Variants in EHBP1 observed in about 807,000 individuals in gnomAD.
The protein encoded by EHBP1 is EH domain-binding protein 1.
Under a neutral mutation model 144.0 loss-of-function variants are expected in EHBP1, and 55 were observed. The observed-to-expected ratio is 0.38, with a 90% CI of 0.31 to 0.48. The LOEUF is 0.48. Ranked by LOEUF, EHBP1 falls within the 20% of genes least tolerant of loss-of-function variation. EHBP1 has a pLI of 0.98. For synonymous variants in EHBP1, 469 were observed against 472.7 expected (o/e 0.99, Z 0.10); for missense variants, 1,200 against 1,364.2 (o/e 0.88, Z 1.90).
At chr2:62,809,313 A>AC (rs1402745989) in intron 5 of EHBP1, among the ~76,000 whole-genome samples, 2 of 150,874 alleles carry the variant, frequency 1.3e-5, no homozygotes, top group African/African-American at 4.9e-5. Flanking sequence ...AAAAAAAAAA[A>AC]AACAAGAAGA....
At chr2:62,954,073 G>T (rs964136497) in intron 13 of EHBP1, among the ~76,000 whole-genome samples, 3 of 151,998 alleles carry the variant, frequency 2.0e-5, no homozygotes, top group African/African-American at 4.8e-5. Context: ...TCTGAGAGTT[G>T]GTCTATTTCT....
At chr2:62,795,141 T>C (rs1199521767) in intron 5 of EHBP1, among the ~76,000 whole-genome samples, 1 of 152,096 alleles carries the variant, frequency 6.6e-6, no homozygotes, top group Non-Finnish European at 1.5e-5. Context: ...CCTCTTTTAA[T>C]TTATGAGCAT....
At chr2:62,969,517 G>A (rs2058398401) in intron 14 of EHBP1, among the ~76,000 whole-genome samples, 1 of 152,054 alleles carries the variant, frequency 6.6e-6, no homozygotes, top group South Asian at 2.1e-4. Flanking sequence ...TTCTTAAAAT[G>A]TGTCTATTTT....
chr2:62,910,898 CTCT>C (rs1161413032), intron 10 of EHBP1, among the ~76,000 whole-genome samples: 1 of 152,152 alleles, frequency 6.6e-6, no homozygotes, highest in Non-Finnish European at 1.5e-5. Flanking sequence ...CTTAATCCAG[CTCT>C]TCTTTTGTTT....
chr2:62,711,823 A>C (rs1441076138), intron 2 of EHBP1, among the ~76,000 whole-genome samples: 2 of 152,184 alleles, frequency 1.3e-5, no homozygotes, highest in African/African-American at 4.8e-5. Flanking sequence ...GAGGTTGAGC[A>C]AGGTGACCGT....
intron 5 of EHBP1, among the ~76,000 whole-genome samples, chr2:62,773,869 AAAAAAAAAAAAAAAAAG>A (rs1573272389): frequency 1.4e-5 from 2 of 147,258 alleles, no homozygotes; most frequent in East Asian, 2.0e-4. Flanking sequence ...AAAAAAAAAA[AAAAAAAAAAAAAAAAAG>A]AGAGAGAGAA....
At chr2:63,038,621 G>A (rs1278882687) in intron 20 of EHBP1, 122 bp from the exon 21 acceptor site, 162 of 753,940 alleles carry the variant, frequency 2.1e-4, no homozygotes, top group Non-Finnish European at 4.4e-6. Flanking sequence ...TTCATTTGGA[G>A]TGGCTTAAAC....
intron 12 of EHBP1, 128 bp downstream of exon 12, chr2:62,943,978 A>C: frequency 1.7e-6 from 1 of 582,788 alleles, no homozygotes; most frequent in Non-Finnish European, 3.0e-6. Context: ...TTGTCTGCTT[A>C]CTGCGGTTCA....
intron 10 of EHBP1, among the ~76,000 whole-genome samples, chr2:62,924,897 A>G (rs939662835): frequency 7.9e-5 from 12 of 152,218 alleles, no homozygotes; most frequent in Admixed American, 2.0e-4. Flanking sequence ...GGATACAACA[A>G]TAAAAACCCA....
chr2:62,945,813 A>G (rs2057029049), intron 12 of EHBP1, among the ~76,000 whole-genome samples: 2 of 152,192 alleles, frequency 1.3e-5, no homozygotes, highest in African/African-American at 4.8e-5. Flanking sequence ...CTGGCCGTAG[A>G]GCAATAAAAA....
intron 10 of EHBP1, among the ~76,000 whole-genome samples, chr2:62,881,384 C>G (rs1364466587): frequency 7.4e-6 from 1 of 134,474 alleles, no homozygotes; most frequent in Non-Finnish European, 1.6e-5. Flanking sequence ...CATGTACGTC[C>G]TGAACCTGTA....
At chr2:62,982,439 T>C (rs1404983688) in intron 15 of EHBP1, among the ~76,000 whole-genome samples, 1 of 152,198 alleles carries the variant, frequency 6.6e-6, no homozygotes, top group Non-Finnish European at 1.5e-5. Context: ...CACCCTTGCA[T>C]AGCAAATTCA....
intron 1 of EHBP1, among the ~76,000 whole-genome samples, chr2:62,679,102 T>A (rs1489524241): frequency 6.6e-6 from 1 of 152,244 alleles, no homozygotes; most frequent in African/African-American, 2.4e-5. Context: ...CTCTATAGCC[T>A]ATGCTTTGTA....
intron 2 of EHBP1, among the ~76,000 whole-genome samples, chr2:62,730,755 G>C (rs867129204): frequency 4.5e-5 from 5 of 111,820 alleles, no homozygotes; most frequent in South Asian, 2.8e-4. Flanking sequence ...AAGAGAGAAA[G>C]AAAGAGAGAG....
In EHBP1 at chr2:62,895,383, A is replaced by G. The variant is rs565581722; in HGVS notation, c.1185+20851A>G. Among the ~76,000 whole-genome samples, 13 of 152,276 alleles carry G rather than the reference A, an allele frequency of 8.5e-5. No individual in the cohort carries two copies. The East Asian group carries it at 2.5e-3, about 29-fold the overall frequency. On this transcript the variant is annotated intron_variant, in intron 10 of 22. Coordinates refer to ENST00000431489, the MANE Select transcript of EHBP1 (RefSeq NM_001142616.3). ...TCCTATAATAATGCATAGCACTTCCAGAGGAGCTTGTCTTAACATTCCTAT... is the reference window on the plus strand; with the variant it reads ...TCCTATAATAATGCATAGCACTTCCGGAGGAGCTTGTCTTAACATTCCTAT...
At chr2:62,783,289 G>A (rs909335381) in intron 5 of EHBP1, among the ~76,000 whole-genome samples, 21 of 152,172 alleles carry the variant, frequency 1.4e-4, no homozygotes, top group African/African-American at 4.8e-4. Context: ...CAGGTGCACA[G>A]TGCAACCTCT....
chr2:62,884,441 G>A (rs545700708), intron 10 of EHBP1, among the ~76,000 whole-genome samples: 5 of 152,204 alleles, frequency 3.3e-5, no homozygotes, highest in South Asian at 2.1e-4. Context: ...TGTGGGCCCC[G>A]TGGGGTTTTA....
intron 12 of EHBP1, among the ~76,000 whole-genome samples, chr2:62,946,272 G>A (rs2153084588): frequency 6.6e-6 from 1 of 152,138 alleles, no homozygotes; most frequent in Non-Finnish European, 1.5e-5. Context: ...CTTAATAATG[G>A]TAAGCATACT....
intron 2 of EHBP1, among the ~76,000 whole-genome samples, chr2:62,740,249 C>A (rs548104121): frequency 2.3e-4 from 35 of 152,232 alleles, no homozygotes; most frequent in African/African-American, 7.9e-4. Flanking sequence ...ATTTAACTGA[C>A]AAAGATGTTT....
Sources: gnomAD v4.1 joint callset for allele counts (sites outside exome capture counted in the v4.1 genomes callset) on GRCh38, gnomAD v4.1.1 for gene constraint, MANE v1.5 for transcripts, NCBI Gene and HGNC (gene_info 2026-07-23, HGNC 2026-07-21) for gene names.